The following VBP1 variants were observed in gnomAD, a reference collection of about 807,000 sequenced individuals.
The protein encoded by VBP1 is prefoldin subunit 3.
A neutral mutation model predicts 15.5 loss-of-function variants in VBP1; 4 were observed. The observed-to-expected ratio is 0.26, with a 90% CI of 0.13 to 0.59. VBP1 has a LOEUF of 0.59. Ranked by LOEUF, VBP1 falls within the 20% of genes least tolerant of loss-of-function variation. The probability of loss-of-function intolerance (pLI) is 0.90; values close to 1 mark genes in which losing one functional copy is unlikely to be tolerated. For missense variants in VBP1, 108 were observed against 139.6 expected (o/e 0.77, Z 1.14); for synonymous variants, 61 against 52.1 (o/e 1.17, Z -0.74).
rs1557309454 is a variant in VBP1 at position 155,220,293 on chromosome X, T to C, written c.204T>C (p.Ala68=). ...ATAAGTTTATGGAACTCAACCTTGC[T>C]CAAAAGAAAAGAAGGTAAGTGTAAA... ...QKYKFMELNL[A]QKKRRLKGQI... Residue 68 remains alanine, a synonymous_variant, in exon 2 of 6, where the codon GCT becomes GCC. Transcript: ENST00000286428. 8.6e-7 allele frequency: 1 copy of C among 1,166,313 alleles called. No homozygotes were observed. The highest frequency in any genetic ancestry group is 1.1e-6 in the Non-Finnish European group (1 of 876,519).
At chrX:155,235,116 A>ATGTGTGTGTG (rs112094871) in intron 4 of VBP1, among the ~76,000 whole-genome samples, 49 of 97,426 alleles carry the variant, frequency 5.0e-4, no homozygotes, top group African/African-American at 1.8e-3. Flanking sequence ...GTGTGTGTGT[A>ATGTGTGTGTG]TGTGTGTGTG....
chrX:155,232,272 T>A (rs1421429469), intron 4 of VBP1, among the ~76,000 whole-genome samples: 2 of 109,464 alleles, frequency 1.8e-5, no homozygotes, highest in African/African-American at 6.6e-5. Context: ...ATATATTATG[T>A]ATTTCGGATG....
At position 155,217,935 on chromosome X, in the gene VBP1, G is replaced by C. The variant is rs1171107034; in HGVS notation, c.93+1360G>C. 2.7e-5 allele frequency among the ~76,000 whole-genome samples: 3 copies of C among 111,183 alleles called. No individual in the cohort carries two copies. The Admixed American group carries it at 2.9e-4, about 11-fold the overall frequency. On this transcript the variant is annotated intron_variant, in intron 1 of 5. Coordinates refer to ENST00000286428, the MANE Select transcript of VBP1 (RefSeq NM_003372.7). ...TGGGAGGAGGTGAGGTAGTTCTCAT[G>C]AATCGCCCTACTTCTCCTGGTCATA...
intron 1 of VBP1, among the ~76,000 whole-genome samples, chrX:155,201,191 A>G (rs1274044661): frequency 1.8e-5 from 2 of 110,421 alleles, no homozygotes; most frequent in Non-Finnish European, 3.8e-5. Context: ...ACAAGGAGGA[A>G]CTGGTACCAT....
chrX:155,221,603 G>A (rs1426458776), intron 2 of VBP1, among the ~76,000 whole-genome samples: 2 of 111,994 alleles, frequency 1.8e-5, no homozygotes, highest in Non-Finnish European at 3.8e-5. Flanking sequence ...AGGTACAGGG[G>A]GATGGTAACT....
In VBP1 at chrX:155,216,461, G is replaced by A; in HGVS notation, c.-22G>A. The A allele has an allele frequency of 8.6e-7, 1 of 1,164,941 alleles. No homozygotes were observed. Among genetic ancestry groups the A allele is most frequent in the Non-Finnish European group, 1.1e-6 (1 of 871,354 alleles). On this transcript the variant is annotated 5_prime_UTR_variant, in exon 1 of 6. Transcript: ENST00000286428. ...CCGGCGGCCGGCGGCCCGGGAGGCA[G>A]TCGCGCGCTCGCATCCCCAAGATGG...
chrX:155,197,766 T>C (rs1421428998), intron 1 of VBP1, among the ~76,000 whole-genome samples: 2 of 111,953 alleles, frequency 1.8e-5, no homozygotes, highest in Non-Finnish European at 3.8e-5. Flanking sequence ...CACAGGACAG[T>C]GAGTGCAGCG....
At chrX:155,223,198 C>CTTT (rs200231292) in intron 2 of VBP1, among the ~76,000 whole-genome samples, 91 of 85,181 alleles carry the variant, frequency 1.1e-3, no homozygotes, top group African/African-American at 2.2e-3. Context: ...CTATTTCTTT[C>CTTT]TTTTTTTAAT....
At position 155,220,236 on chromosome X, in the gene VBP1, A is replaced by T. The variant is rs373158255; in HGVS notation, c.147A>T (p.Val49=). ...KQPGNETADT[V]LKKLDEQYQK... Reference sequence around the variant, plus strand: ...CTGGGAATGAGACTGCAGATACAGTATTAAAGAAGCTGGATGAACAGTACC... The same window carrying T: ...CTGGGAATGAGACTGCAGATACAGTTTTAAAGAAGCTGGATGAACAGTACC... Residue 49 remains valine, a synonymous_variant, in exon 2 of 6, where the codon GTA becomes GTT. Transcript: ENST00000286428. 43 of 1,198,888 alleles carry T rather than the reference A, an allele frequency of 3.6e-5. No individual in the cohort carries two copies. Among genetic ancestry groups the T allele is most frequent in the Non-Finnish European group, 4.7e-5 (42 of 888,791 alleles).
upstream of VBP1, among the ~76,000 whole-genome samples, chrX:155,211,816 A>G: frequency 8.9e-6 from 1 of 112,238 alleles, no homozygotes; most frequent in Middle Eastern, 4.6e-3. Context: ...TGCTATGAGC[A>G]GGCTGTGTGA....
chrX:155,209,041 G>T, intron 2 of VBP1: 1 of 1,043,198 alleles, frequency 9.6e-7, no homozygotes, highest in Non-Finnish European at 1.3e-6. Flanking sequence ...CTGGAGGCAG[G>T]ATCAGTGTTA....
At chrX:155,206,063 A>C (rs2074625056) in intron 1 of VBP1, among the ~76,000 whole-genome samples, 1 of 111,870 alleles carries the variant, frequency 8.9e-6, no homozygotes, top group Non-Finnish European at 1.9e-5. Context: ...AGAAACAAAA[A>C]CCCATGTCCC....
intron 2 of VBP1, among the ~76,000 whole-genome samples, chrX:155,222,633 G>A (rs782480360): frequency 5.4e-5 from 6 of 111,921 alleles, no homozygotes; most frequent in Non-Finnish European, 1.1e-4. Flanking sequence ...CTCTACAACT[G>A]TGGTATGTAG....
At chrX:155,197,981 C>G (rs782543612) in intron 1 of VBP1, among the ~76,000 whole-genome samples, 2 of 112,432 alleles carry the variant, frequency 1.8e-5, no homozygotes, top group East Asian at 5.6e-4. Flanking sequence ...TTGGAGGGTC[C>G]TATGCCCACA....
At chrX:155,227,873 G>T (rs1355975484) in intron 3 of VBP1, among the ~76,000 whole-genome samples, 1 of 112,433 alleles carries the variant, frequency 8.9e-6, no homozygotes, top group Non-Finnish European at 1.9e-5. Flanking sequence ...TAAGCATATT[G>T]TATTTAAAAG....
rs782698425 is a variant in VBP1, at chrX:155,220,266, G to A, written c.177G>A (p.Lys59=). ...VLKKLDEQYQ[K]YKFMELNLAQ... is the part of the protein sequence containing the mutation. ...AGAAGCTGGATGAACAGTACCAGAAGTATAAGTTTATGGAACTCAACCTTG... is the reference window on the plus strand; with the variant it reads ...AGAAGCTGGATGAACAGTACCAGAAATATAAGTTTATGGAACTCAACCTTG... Residue 59 remains lysine (K), a synonymous_variant, in exon 2 of 6, where the codon AAG becomes AAA. Transcript: ENST00000286428. 12 of 1,189,845 alleles carry A rather than the reference G, an allele frequency of 1.0e-5. No individual in the cohort carries two copies. The highest frequency in any genetic ancestry group is 1.4e-5 in the Non-Finnish European group (12 of 885,684).
At chrX:155,221,080 C>G (rs2074687303) in intron 2 of VBP1, among the ~76,000 whole-genome samples, 1 of 111,154 alleles carries the variant, frequency 9.0e-6, no homozygotes, top group Non-Finnish European at 1.9e-5. Context: ...CCTGTAATCC[C>G]AGCACTTTGG....
At chrX:155,231,165 T>C (rs1212768832) in intron 4 of VBP1, among the ~76,000 whole-genome samples, 1 of 112,261 alleles carries the variant, frequency 8.9e-6, no homozygotes. Flanking sequence ...GTGGTTTCCC[T>C]GTCACCAAGG....
intron 1 of VBP1, among the ~76,000 whole-genome samples, chrX:155,201,160 C>T (rs1220571872): frequency 9.1e-6 from 1 of 110,188 alleles, no homozygotes; most frequent in Non-Finnish European, 1.9e-5. Flanking sequence ...GATGGATTCA[C>T]AGCCGAATTC....
Sources: allele counts gnomAD v4.1 joint callset (sites outside exome capture counted in the v4.1 genomes callset), GRCh38; gene constraint gnomAD v4.1.1; transcripts MANE v1.5; gene names NCBI Gene and HGNC (gene_info 2026-07-23, HGNC 2026-07-21).